Variants in TIAM2 observed in about 807,000 individuals in gnomAD.
The protein encoded by TIAM2 is rho guanine nucleotide exchange factor TIAM2.
Under a neutral mutation model 152.9 loss-of-function variants are expected in TIAM2, and 80 were observed. The ratio of observed to expected loss-of-function variants is 0.52; its 90% CI spans 0.44 to 0.63. The LOEUF is 0.63. Ranked by LOEUF, TIAM2 falls within the 30% of genes least tolerant of loss-of-function variation. The probability of loss-of-function intolerance (pLI) is 0.00; values close to 1 mark genes in which losing one functional copy is unlikely to be tolerated. For synonymous variants in TIAM2, 804 were observed against 838.0 expected (o/e 0.96, Z 0.70); for missense variants, 1,965 against 2,120.1 (o/e 0.93, Z 1.44).
intron 1 of TIAM2, among the ~76,000 whole-genome samples, chr6:155,040,940 G>A (rs1777013742): frequency 6.6e-6 from 1 of 152,126 alleles, no homozygotes; most frequent in African/African-American, 2.4e-5. Flanking sequence ...TGTCATAAGA[G>A]AATTTATTAT....
intron 2 of TIAM2, among the ~76,000 whole-genome samples, chr6:155,111,241 A>T (rs866113072): frequency 6.6e-6 from 1 of 151,966 alleles, no homozygotes; most frequent in African/African-American, 2.4e-5. Context: ...AACTCATGAC[A>T]TTAGGAGGCA....
At chr6:155,080,222 C>A (rs920640332) in intron 1 of TIAM2, among the ~76,000 whole-genome samples, 2 of 151,602 alleles carry the variant, frequency 1.3e-5, no homozygotes, top group Non-Finnish European at 2.9e-5. Flanking sequence ...ATGTCCATAC[C>A]GCTGACACAG....
In TIAM2 at chr6:155,134,846, C is replaced by T. The variant is rs558471215; in HGVS notation, c.1195-2331C>T. Among the ~76,000 whole-genome samples, 330 of 152,266 alleles carry T rather than the reference C, an allele frequency of 2.2e-3. 1 individual carries two copies. The highest frequency in any genetic ancestry group is 7.3e-3 in the African/African-American group (305 of 41,554). On this transcript the variant is annotated intron_variant, in intron 4 of 26. Transcript: ENST00000682666. Reference sequence around the variant, plus strand: ...TCAGCATCCCAAGTAGCTGGGACTACAGGCATGTGCCGCCGCACCTGGCTA... The same window carrying T: ...TCAGCATCCCAAGTAGCTGGGACTATAGGCATGTGCCGCCGCACCTGGCTA...
intron 9 of TIAM2, among the ~76,000 whole-genome samples, chr6:155,170,600 C>T (rs1237659750): frequency 6.6e-6 from 1 of 152,110 alleles, no homozygotes; most frequent in Admixed American, 6.5e-5. Flanking sequence ...GACCCCATCC[C>T]TGAAAAAAGA....
At chr6:155,029,146 A>G (rs139210274) in intron 1 of TIAM2, among the ~76,000 whole-genome samples, 2,956 of 111,770 alleles carry the variant, frequency 0.026, 494 homozygotes, top group South Asian at 0.11. Context: ...TATATACACT[A>G]TATGTACTAT....
intron 7 of TIAM2, among the ~76,000 whole-genome samples, chr6:155,153,573 C>T (rs151235507): frequency 5.3e-5 from 8 of 151,302 alleles, no homozygotes; most frequent in Non-Finnish European, 8.8e-5. Context: ...TTGCTGTGCC[C>T]GCTGTCCTTG....
chr6:155,046,497 G>A (rs902506383), intron 1 of TIAM2, among the ~76,000 whole-genome samples: 1 of 151,832 alleles, frequency 6.6e-6, no homozygotes, highest in Non-Finnish European at 1.5e-5. Flanking sequence ...CACCACGCTG[G>A]GCTGATTTTT....
At chr6:155,112,464 T>G in intron 2 of TIAM2, among the ~76,000 whole-genome samples, 1 of 152,112 alleles carries the variant, frequency 6.6e-6, no homozygotes, top group East Asian at 1.9e-4. Context: ...CAACTGCCCC[T>G]TCTGTCTCCA....
At chr6:155,143,603 G>A (rs1583212489) in intron 5 of TIAM2, among the ~76,000 whole-genome samples, 1 of 152,296 alleles carries the variant, frequency 6.6e-6, no homozygotes, top group African/African-American at 2.4e-5. Flanking sequence ...AAATGGCAAA[G>A]TCCCCTAGGT....
chr6:155,178,540 GTCC>G (rs1297127729), intron 10 of TIAM2, among the ~76,000 whole-genome samples: 3 of 151,862 alleles, frequency 2.0e-5, no homozygotes, highest in African/African-American at 7.3e-5. Flanking sequence ...AAAAATAATT[GTCC>G]TCCTTTACTT....
At chr6:155,085,936 GATCTCATAGACTCAC>G (rs1778163166) in intron 1 of TIAM2, among the ~76,000 whole-genome samples, 1 of 152,156 alleles carries the variant, frequency 6.6e-6, no homozygotes, top group African/African-American at 2.4e-5. Context: ...CACCACCTTG[GATCTCATAGACTCAC>G]ATACTCAAGG....
At chr6:155,251,104 ACTCC>A in intron 22 of TIAM2, 83 bp downstream of exon 22, 6 of 1,190,344 alleles carry the variant, frequency 5.0e-6, no homozygotes, top group South Asian at 1.2e-5. Flanking sequence ...AGTCCAGCTC[ACTCC>A]TGAGCTCCAG....
chr6:155,257,051 G>T lies in TIAM2; in HGVS notation c.5036G>T (p.Ser1679Ile), dbSNP rs772355050. 4 of 1,614,068 alleles carry T rather than the reference G, an allele frequency of 2.5e-6. No homozygotes were observed. The Admixed American group carries it at 6.7e-5, about 27-fold the overall frequency. Residue 1679 changes from serine to isoleucine, a missense_variant, in exon 27 of 27, where the codon AGT (serine) becomes ATT (isoleucine). Around this residue, in one of 3 missense-constraint regions of TIAM2, gnomAD observed 935 missense variants for 980.0 expected, o/e 0.95. Transcript: ENST00000682666. ...AATTCTGTTCTAGAGCGAGAATTCA[G>T]TGTCCAGAGTTTAACATCTGTTGTC... ...DLNSVLEREF[S>I]VQSLTSVVSE...
chr6:155,251,309 G>A (rs559127021), intron 22 of TIAM2, among the ~76,000 whole-genome samples: 2 of 152,192 alleles, frequency 1.3e-5, no homozygotes, highest in African/African-American at 2.4e-5. Context: ...TTTCTGAGAC[G>A]AGGTTTTGCT....
chr6:155,086,624 T>A (rs1356246009), intron 1 of TIAM2, among the ~76,000 whole-genome samples: 3 of 151,094 alleles, frequency 2.0e-5, no homozygotes, highest in Admixed American at 1.3e-4. Flanking sequence ...GGAGAATTGC[T>A]TGAACCTAGG....
intron 1 of TIAM2, among the ~76,000 whole-genome samples, chr6:155,001,292 C>T (rs566795029): frequency 1.5e-3 from 225 of 152,244 alleles, no homozygotes; most frequent in Non-Finnish European, 2.6e-3. Flanking sequence ...CCCAAGTTCA[C>T]GTAGTTTGAA....
At position 155,129,735 on chromosome 6, in the gene TIAM2, G is replaced by T; in HGVS notation, c.512G>T (p.Gly171Val). ...VLIKTLGKLDGCLRVEFHNGG... is the reference protein window; with the variant it reads ...VLIKTLGKLDVCLRVEFHNGG... ...ATCAAAACGCTGGGGAAGCTGGATG[G>T]GTGTTTAAGGGTCGAGTTCCACAAT... Residue 171 changes from glycine (G) to valine (V), a missense_variant, in exon 4 of 27, where the codon GGG becomes GTG. By Grantham distance (109) the Gly-to-Val change is moderately radical. Transcript: ENST00000682666. The surrounding 1 kb of genome is among the most constrained non-coding windows in gnomAD (Gnocchi z 4.8). The T allele has an allele frequency of 1.2e-6, 2 of 1,613,960 alleles. No individual in the cohort carries two copies. The highest frequency in any genetic ancestry group is 1.7e-6 in the Non-Finnish European group (2 of 1,180,034).
chr6:155,025,225 G>A (rs1202818833), intron 1 of TIAM2, among the ~76,000 whole-genome samples: 2 of 143,398 alleles, frequency 1.4e-5, no homozygotes, highest in African/African-American at 2.6e-5. Context: ...ACGGAGTCTC[G>A]CTCTGTTACC....
chr6:155,032,776 G>A (rs1776849683), intron 1 of TIAM2, among the ~76,000 whole-genome samples: 1 of 152,114 alleles, frequency 6.6e-6, no homozygotes, highest in African/African-American at 2.4e-5. Flanking sequence ...CCTGACCTCA[G>A]GTGATCCGCC....
Sources: gnomAD v4.1 joint callset for allele counts (sites outside exome capture counted in the v4.1 genomes callset) on GRCh38, gnomAD v4.1.1 for gene constraint, gnomAD v4.1.1 regional missense constraint, Gnocchi (gnomAD v3.1) non-coding constraint, MANE v1.5 for transcripts, NCBI Gene and HGNC (gene_info 2026-07-23, HGNC 2026-07-21) for gene names.